Variants in ENTPD5 observed in about 807,000 individuals in gnomAD.
The protein encoded by ENTPD5 is ectonucleoside triphosphate diphosphohydrolase 5 (inactive).
A neutral mutation model predicts 60.2 loss-of-function variants in ENTPD5; 49 were observed. The ratio of observed to expected loss-of-function variants is 0.81; its 90% CI spans 0.65 to 1.03. The LOEUF (loss-of-function observed/expected upper bound fraction) is 1.03, where lower values mean the gene tolerates loss of function less well. Among genes scored for constraint, ENTPD5 ranks in the 50% least tolerant of loss-of-function variants. The pLI is 0.00. For missense variants in ENTPD5, 480 were observed against 507.6 expected (o/e 0.95, Z 0.52); for synonymous variants, 187 against 185.4 (o/e 1.01, Z -0.07).
chr14:74,009,586 T>C (rs2058781358), intron 3 of ENTPD5, among the ~76,000 whole-genome samples: 1 of 152,198 alleles, frequency 6.6e-6, no homozygotes, highest in Non-Finnish European at 1.5e-5. Context: ...GGCTTTAAAA[T>C]GCTTTCCTTC....
chr14:74,010,047 C>T (rs927759934), intron 3 of ENTPD5, among the ~76,000 whole-genome samples: 16 of 152,168 alleles, frequency 1.1e-4, no homozygotes, highest in Non-Finnish European at 1.5e-4. Flanking sequence ...GCCTCGGCCT[C>T]TCAAAGTGCT....
At chr14:73,974,896 C>A (rs747110863) in intron 11 of ENTPD5, 28 bp downstream of exon 11, 2 of 1,590,144 alleles carry the variant, frequency 1.3e-6, no homozygotes, top group South Asian at 2.2e-5. Context: ...CCTCACCATC[C>A]CCCCCCAGCA....
At chr14:73,967,539 G>A (rs2057028038) in intron 15 of ENTPD5, among the ~76,000 whole-genome samples, 1 of 152,280 alleles carries the variant, frequency 6.6e-6, no homozygotes, top group East Asian at 1.9e-4. Flanking sequence ...AGGCGCAGTG[G>A]CTCATGCCTG....
At position 74,012,033 on chromosome 14, in the gene ENTPD5, AT is replaced by A. The variant is rs542503651; in HGVS notation, c.-130-884del. ...ATTACACATTCAAGACAGGATTTGA[AT>A]TATGGATTTGACTCACGCAACCCAT... is the stretch of plus-strand genomic sequence containing the variant. On this transcript the variant is annotated intron_variant, in intron 2 of 15. Transcript: ENST00000334696. Among the ~76,000 whole-genome samples the A allele has an allele frequency of 6.2e-3, 939 of 152,342 alleles. 2 individuals carry two copies. The highest frequency in any genetic ancestry group is 0.026 in the South Asian group (124 of 4,832).
downstream of ENTPD5, chr14:73,961,332 G>C: frequency 6.2e-7 from 1 of 1,614,196 alleles, no homozygotes; most frequent in Non-Finnish European, 8.5e-7. Context: ...TCTTGGGTTG[G>C]GACATGCTGC....
chr14:73,963,249 T>C lies in ENTPD5; in HGVS notation c.*3679A>G. 1 of 568,042 alleles carries C rather than the reference T, an allele frequency of 1.8e-6. No homozygotes were observed. Among genetic ancestry groups the C allele is most frequent in the Non-Finnish European group, 3.1e-6 (1 of 321,708 alleles). 35.2% of individuals were successfully genotyped at this position (568,042 alleles called of 1,614,324 possible). A position where few individuals can be genotyped will look rare whatever the true frequency, so the allele number is the denominator to read the frequency against. Reference sequence around the variant, plus strand: ...TTACAATTTGGTTGAAAAGAGCTTTTTATTACTAAAAAACCCACAAGGTGC... The same window carrying C: ...TTACAATTTGGTTGAAAAGAGCTTTCTATTACTAAAAAACCCACAAGGTGC... On this transcript the variant is annotated 3_prime_UTR_variant, in exon 16 of 16. Transcript: ENST00000334696.
downstream of ENTPD5, chr14:73,961,314 CT>C: frequency 6.2e-7 from 1 of 1,614,220 alleles, no homozygotes; most frequent in Non-Finnish European, 8.5e-7. Flanking sequence ...AAGCCGAGTT[CT>C]GTTTCCTCTT....
rs1289360249 is a variant in ENTPD5 at position 73,981,583 on chromosome 14, G to A, written c.441+1435C>T. Reference sequence around the variant, plus strand: ...TTTGGGAGGCCAAGGAAGGTGGACTGCCTGAGCTCAGGAGTTTGAAACCAA... The same window carrying A: ...TTTGGGAGGCCAAGGAAGGTGGACTACCTGAGCTCAGGAGTTTGAAACCAA... On this transcript the variant is annotated intron_variant, in intron 6 of 15. Transcript: ENST00000334696. 2.6e-5 allele frequency among the ~76,000 whole-genome samples: 4 copies of A among 152,046 alleles called. No individual in the cohort carries two copies. In the East Asian group the frequency reaches 5.8e-4, roughly 22 times the overall value.
chr14:73,959,917 C>G (rs1170035838), downstream of ENTPD5: 3 of 1,173,408 alleles, frequency 2.6e-6, no homozygotes, highest in African/African-American at 4.8e-5. Flanking sequence ...GTCAGCTGTC[C>G]CTTTCTACTT....
At chr14:73,959,203 T>G (rs1017183104), downstream of ENTPD5, 141 of 1,614,128 alleles carry the variant, frequency 8.7e-5, no homozygotes, top group Non-Finnish European at 1.2e-4. Context: ...TTCTTCCCTC[T>G]GGGCCTATTG....
In ENTPD5 at chr14:74,012,401, C is replaced by G. The variant is rs2058874268; in HGVS notation, c.-130-1251G>C. On this transcript the variant is annotated intron_variant, in intron 2 of 15. Transcript: ENST00000334696. ...GGATTATAGGCATGAGCCACCGGTCCCAGCTGGGACTCATTCATCTTTGAA... is the reference window on the plus strand; with the variant it reads ...GGATTATAGGCATGAGCCACCGGTCGCAGCTGGGACTCATTCATCTTTGAA... 2.0e-5 allele frequency among the ~76,000 whole-genome samples: 3 copies of G among 152,134 alleles called. No homozygotes were observed. The South Asian group carries it at 6.2e-4, about 32-fold the overall frequency.
At chr14:74,007,125 C>A (rs1370654984) in intron 3 of ENTPD5, among the ~76,000 whole-genome samples, 1 of 152,158 alleles carries the variant, frequency 6.6e-6, no homozygotes, top group African/African-American at 2.4e-5. Flanking sequence ...ACTAGCTGGG[C>A]ATGGTGGCAC....
chr14:73,955,694 G>A (rs1424865582), downstream of ENTPD5: 35 of 1,528,934 alleles, frequency 2.3e-5, no homozygotes, highest in Admixed American at 3.5e-4. Flanking sequence ...CTACCAGAGA[G>A]GCTGACAAAT....
At chr14:73,971,579 T>C (rs980891881) in intron 14 of ENTPD5, among the ~76,000 whole-genome samples, 1 of 152,254 alleles carries the variant, frequency 6.6e-6, no homozygotes, top group African/African-American at 2.4e-5. Context: ...ATGCAGTGAC[T>C]GTTCACAGGT....
At chr14:74,004,517 T>C (rs144846353) in intron 3 of ENTPD5, among the ~76,000 whole-genome samples, 149 of 152,288 alleles carry the variant, frequency 9.8e-4, no homozygotes, top group Middle Eastern at 3.4e-3. Context: ...TAGACAGTTT[T>C]GGCTCTGAGG....
At chr14:73,963,127 T>C, downstream of ENTPD5, 1 of 856,124 alleles carries the variant, frequency 1.2e-6, no homozygotes. Context: ...CTTTTTCTTC[T>C]TTGCTTAATG....
chr14:73,984,902 C>T (rs1032114845), intron 5 of ENTPD5, among the ~76,000 whole-genome samples: 12 of 152,132 alleles, frequency 7.9e-5, no homozygotes, highest in African/African-American at 2.4e-4. Flanking sequence ...TCCCTGCTCC[C>T]GCCACCCCAC....
chr14:73,993,330 T>C (rs1003759749), intron 3 of ENTPD5, among the ~76,000 whole-genome samples: 10 of 152,320 alleles, frequency 6.6e-5, no homozygotes, highest in African/African-American at 2.2e-4. Context: ...AGTGAGACCC[T>C]GTCTCAATAA....
chr14:73,992,003 A>C (rs1213019912), intron 3 of ENTPD5, among the ~76,000 whole-genome samples: 2 of 149,698 alleles, frequency 1.3e-5, no homozygotes, highest in Non-Finnish European at 3.0e-5. Flanking sequence ...CCGTCTCACA[A>C]AAAAAAAGTA....
Sources: gnomAD v4.1 joint callset for allele counts (sites outside exome capture counted in the v4.1 genomes callset) on GRCh38, gnomAD v4.1.1 for gene constraint, MANE v1.5 for transcripts, NCBI Gene and HGNC (gene_info 2026-07-23, HGNC 2026-07-21) for gene names.